Variants in CNTN5 observed in about 807,000 individuals in gnomAD.
CNTN5 encodes contactin 5, also known as contactin-5.
A neutral mutation model predicts 129.1 loss-of-function variants in CNTN5; 77 were observed. The observed-to-expected ratio is 0.60, with a 90% confidence interval of 0.50 to 0.72. The LOEUF is 0.72. CNTN5 is among the 30% of genes least tolerant of loss of function. CNTN5 has a pLI of 0.00. For missense variants in CNTN5, 1,478 were observed against 1,328.8 expected (o/e 1.11, Z -1.75); for synonymous variants, 509 against 465.6 (o/e 1.09, Z -1.20).
At chr11:99,836,957 G>C (rs1230559430) in intron 4 of CNTN5, among the ~76,000 whole-genome samples, 1 of 152,176 alleles carries the variant, frequency 6.6e-6, no homozygotes, top group Non-Finnish European at 1.5e-5. Context: ...GAGTGTAGCA[G>C]TGAAGATGAC....
chr11:100,283,894 C>A (rs1335698926), intron 18 of CNTN5, among the ~76,000 whole-genome samples: 1 of 151,988 alleles, frequency 6.6e-6, no homozygotes, highest in Non-Finnish European at 1.5e-5. Context: ...TGCAGTGAGC[C>A]AAGATCGGGC....
At chr11:99,786,469 C>A (rs898540688) in intron 3 of CNTN5, among the ~76,000 whole-genome samples, 2 of 152,158 alleles carry the variant, frequency 1.3e-5, no homozygotes, top group African/African-American at 4.8e-5. Context: ...CATCAAGCTA[C>A]CATGTACTTT....
chr11:99,817,634 G>T (rs1211528334), intron 3 of CNTN5, among the ~76,000 whole-genome samples: 3 of 124,732 alleles, frequency 2.4e-5, no homozygotes, highest in Non-Finnish European at 3.2e-5. Context: ...TTATAAATGA[G>T]CAGGGCAGAG....
At chr11:100,125,530 A>G (rs1246748350) in intron 13 of CNTN5, among the ~76,000 whole-genome samples, 1 of 152,004 alleles carries the variant, frequency 6.6e-6, no homozygotes. Context: ...AGTCCATGTT[A>G]TATATGTATG....
chr11:99,466,827 AT>A (rs994103418), intron 2 of CNTN5, among the ~76,000 whole-genome samples: 2 of 151,492 alleles, frequency 1.3e-5, no homozygotes, highest in African/African-American at 4.8e-5. Flanking sequence ...TTTTATTTTG[AT>A]TTTTTTTTAA....
chr11:99,845,217 A>C lies in CNTN5; in HGVS notation c.532A>C (p.Thr178Pro). 6.2e-7 allele frequency: 1 copy of C among 1,613,616 alleles called. No homozygotes were observed. The highest frequency in any genetic ancestry group is 8.5e-7 in the Non-Finnish European group (1 of 1,179,768). ...SGHYQCLATNTVGSILSREAT... is the reference protein window; with the variant it reads ...SGHYQCLATNPVGSILSREAT... Reference sequence around the variant, plus strand: ...TCATTATCAGTGTTTAGCAACCAACACTGTGGGGAGTATTCTTAGTAGAGA... The same window carrying C: ...TCATTATCAGTGTTTAGCAACCAACCCTGTGGGGAGTATTCTTAGTAGAGA... Residue 178 changes from threonine (T) to proline (P), a missense_variant, in exon 6 of 25, where the codon ACT (threonine) becomes CCT (proline). Thr to Pro is a conservative substitution (Grantham distance 38). Transcript: ENST00000524871.
At chr11:99,268,526 A>G (rs888963630) in intron 1 of CNTN5, among the ~76,000 whole-genome samples, 9 of 152,050 alleles carry the variant, frequency 5.9e-5, no homozygotes, top group African/African-American at 2.2e-4. Flanking sequence ...TACATTGTTT[A>G]TCATGAAAAC....
At chr11:100,267,120 A>G (rs1358353686) in intron 17 of CNTN5, among the ~76,000 whole-genome samples, 3 of 152,246 alleles carry the variant, frequency 2.0e-5, no homozygotes, top group Middle Eastern at 3.4e-3. Flanking sequence ...GGGTCAGTGT[A>G]TCAGTCAACT....
chr11:99,374,641 G>A (rs550442130), intron 2 of CNTN5, among the ~76,000 whole-genome samples: 1 of 152,146 alleles, frequency 6.6e-6, no homozygotes. Flanking sequence ...TCCAGATCGC[G>A]TCACTGCACT....
chr11:99,709,579 T>C (rs939064708), intron 3 of CNTN5, among the ~76,000 whole-genome samples: 1 of 151,880 alleles, frequency 6.6e-6, no homozygotes, highest in East Asian at 1.9e-4. Flanking sequence ...ACAACAGATA[T>C]ATTTCTGGAA....
At position 99,889,328 on chromosome 11, in the gene CNTN5, G is replaced by GTT. The variant is rs1454081775; in HGVS notation, c.578-26725_578-26724insTT. ...TGTGTGTGTGTGTGTGTGTGTGTGT[G>GTT]TGTGTGTGTGTGTGTGTGTGTGTGT... On this transcript the variant is annotated intron_variant, in intron 6 of 24. Transcript: ENST00000524871. Among the ~76,000 whole-genome samples, 14 of 32,760 alleles carry GTT rather than the reference G, an allele frequency of 4.3e-4. 1 individual carries two copies. The highest frequency in any genetic ancestry group is 1.8e-3 in the African/African-American group (14 of 7,684). The allele number at this position is 32,760 out of a possible 152,430, so 21.5% of individuals were successfully genotyped here. A position where few individuals can be genotyped will look rare whatever the true frequency, so the allele number is the denominator to read the frequency against.
intron 1 of CNTN5, among the ~76,000 whole-genome samples, chr11:99,129,045 G>A (rs146139027): frequency 6.6e-6 from 1 of 152,164 alleles, no homozygotes; most frequent in Admixed American, 6.5e-5. Context: ...AGCCAGAAAT[G>A]CCTCTTCTTC....
intron 3 of CNTN5, among the ~76,000 whole-genome samples, chr11:99,784,795 G>GTTTTT (rs55715264): frequency 6.4e-5 from 6 of 93,910 alleles, no homozygotes; most frequent in Non-Finnish European, 8.3e-5. Flanking sequence ...ATCTCATTGT[G>GTTTTT]TTTTTTTTTT....
At chr11:100,292,294 C>G (rs1186443803) in intron 18 of CNTN5, among the ~76,000 whole-genome samples, 1 of 151,984 alleles carries the variant, frequency 6.6e-6, no homozygotes, top group Non-Finnish European at 1.5e-5. Context: ...GCTGCTTTCT[C>G]TCATGGGGTG....
At chr11:100,294,235 C>T (rs542232991) in intron 18 of CNTN5, among the ~76,000 whole-genome samples, 92 of 151,690 alleles carry the variant, frequency 6.1e-4, no homozygotes, top group Non-Finnish European at 1.2e-3. Flanking sequence ...TTTAGTTAAA[C>T]GCTAATTAAA....
At chr11:99,059,150 T>C (rs1235845025) in intron 1 of CNTN5, among the ~76,000 whole-genome samples, 1 of 150,136 alleles carries the variant, frequency 6.7e-6, no homozygotes, top group Non-Finnish European at 1.5e-5. Flanking sequence ...ATACTGGTCA[T>C]TGGTTTTAAG....
At chr11:99,242,264 A>G (rs547064300) in intron 1 of CNTN5, among the ~76,000 whole-genome samples, 1 of 152,160 alleles carries the variant, frequency 6.6e-6, no homozygotes, top group African/African-American at 2.4e-5. Flanking sequence ...TAGTATTTCA[A>G]TATTTGATTG....
chr11:100,149,024 C>T (rs907587073), intron 13 of CNTN5, among the ~76,000 whole-genome samples: 1 of 151,972 alleles, frequency 6.6e-6, no homozygotes, highest in Non-Finnish European at 1.5e-5. Flanking sequence ...ACTTGAAAAC[C>T]AGGGGGCAGA....
At chr11:99,199,361 A>G (rs12271266) in intron 1 of CNTN5, among the ~76,000 whole-genome samples, 4,491 of 152,300 alleles carry the variant, frequency 0.029, 216 homozygotes, top group African/African-American at 0.1. Context: ...TAGTTTTGAA[A>G]TTGTTTCATT....
Sources: gnomAD v4.1 joint callset for allele counts (sites outside exome capture counted in the v4.1 genomes callset) on GRCh38, gnomAD v4.1.1 for gene constraint, MANE v1.5 for transcripts, NCBI Gene and HGNC (gene_info 2026-07-23, HGNC 2026-07-21) for gene names.